Variants in POT1 observed in about 807,000 individuals in gnomAD.
POT1 encodes protection of telomeres protein 1.
In POT1, 47 loss-of-function variants were observed where a neutral mutation model predicts 78.5. The observed-to-expected ratio is 0.60, with a 90% CI of 0.47 to 0.76. The LOEUF is 0.76. POT1 is among the 30% of genes least tolerant of loss of function. The pLI, the probability that POT1 is intolerant of heterozygous loss-of-function variation, is 0.00. For missense variants in POT1, 646 were observed against 749.9 expected (o/e 0.86, Z 1.62); for synonymous variants, 259 against 260.7 (o/e 0.99, Z 0.06).
chr7:124,824,564 G>C (rs1794584767), intron 18 of POT1, among the ~76,000 whole-genome samples: 1 of 152,080 alleles, frequency 6.6e-6, no homozygotes, highest in African/African-American at 2.4e-5. Context: ...TGACCAGGGA[G>C]AGTAAAGCCT....
chr7:124,879,347 A>T (rs569417621), intron 6 of POT1, among the ~76,000 whole-genome samples: 3 of 152,298 alleles, frequency 2.0e-5, no homozygotes, highest in Admixed American at 2.0e-4. Context: ...AGCAGAAATC[A>T]GTGACCTTAA....
chr7:124,904,028 C>G (rs543580435), intron 3 of POT1, among the ~76,000 whole-genome samples: 3 of 152,218 alleles, frequency 2.0e-5, no homozygotes, highest in African/African-American at 7.2e-5. Flanking sequence ...TAATTAATAG[C>G]CTAACAACCA....
chr7:124,846,849 C>A, intron 12 of POT1, 93 bp downstream of exon 12: 1 of 881,714 alleles, frequency 1.1e-6, no homozygotes, highest in South Asian at 1.6e-5. Context: ...ATGTGTTCTA[C>A]TATTAGAAAG....
intron 3 of POT1, among the ~76,000 whole-genome samples, chr7:124,904,295 G>A (rs1031704970): frequency 8.0e-5 from 12 of 149,900 alleles, no homozygotes; most frequent in African/African-American, 2.9e-4. Flanking sequence ...AAATCCAGCA[G>A]CAGAATCAAG....
chr7:124,923,853 C>T (rs891282497), intron 2 of POT1, among the ~76,000 whole-genome samples: 2 of 151,256 alleles, frequency 1.3e-5, no homozygotes, highest in Non-Finnish European at 3.0e-5. Context: ...AGAAATCTTA[C>T]AGGCCAGAAG....
At chr7:124,832,821 C>CAA (rs36025106) in intron 15 of POT1, among the ~76,000 whole-genome samples, 18 of 114,160 alleles carry the variant, frequency 1.6e-4, no homozygotes, top group African/African-American at 4.5e-4. Flanking sequence ...GACTTCATCT[C>CAA]AAAAAAAAAA....
At chr7:124,876,348 G>T (rs2116583236) in intron 6 of POT1, among the ~76,000 whole-genome samples, 1 of 150,232 alleles carries the variant, frequency 6.7e-6, no homozygotes, top group South Asian at 2.1e-4. Context: ...TAAAAGGTCT[G>T]GACTCATATA....
intron 9 of POT1, among the ~76,000 whole-genome samples, chr7:124,857,352 T>A (rs752855744): frequency 6.6e-6 from 1 of 152,230 alleles, no homozygotes; most frequent in South Asian, 2.1e-4. Flanking sequence ...AGGGAAATTC[T>A]ACGCAGAAGA....
chr7:124,863,899 T>G, intron 7 of POT1, among the ~76,000 whole-genome samples: 1 of 152,164 alleles, frequency 6.6e-6, no homozygotes, highest in East Asian at 1.9e-4. Flanking sequence ...AGCTAGGTGG[T>G]AGTCTCCCTA....
At chr7:124,825,144 A>T (rs1354382082) in intron 18 of POT1, 108 bp downstream of exon 18, 1 of 602,370 alleles carries the variant, frequency 1.7e-6, no homozygotes, top group Non-Finnish European at 2.8e-6. Context: ...TACTTAGTAA[A>T]TCATTTGGAA....
chr7:124,827,193 T>G, intron 17 of POT1, 21 bp downstream of exon 17: 1 of 1,321,750 alleles, frequency 7.6e-7, no homozygotes, highest in Non-Finnish European at 1.0e-6. Context: ...TAAAAATATC[T>G]TTATTACCTC....
intron 3 of POT1, among the ~76,000 whole-genome samples, chr7:124,901,476 G>A (rs1409259861): frequency 6.6e-6 from 1 of 152,138 alleles, no homozygotes; most frequent in Non-Finnish European, 1.5e-5. Flanking sequence ...GAAAGGAATA[G>A]CATCAACATC....
chr7:124,827,496 G>C (rs535497703), intron 16 of POT1, among the ~76,000 whole-genome samples, 191 bp from the exon 17 acceptor site: 1 of 152,184 alleles, frequency 6.6e-6, no homozygotes, highest in Non-Finnish European at 1.5e-5. Flanking sequence ...CCCAGCTGGC[G>C]TCTGCTGAGG....
At position 124,899,463 on chromosome 7, in the gene POT1, T is replaced by A. The variant is rs571987695; in HGVS notation, c.-153-1089A>T. 1.6e-4 allele frequency among the ~76,000 whole-genome samples: 25 copies of A among 152,236 alleles called. No homozygotes were observed. The South Asian group carries it at 4.6e-3, about 28-fold the overall frequency. On this transcript the variant is annotated intron_variant, in intron 3 of 18. Transcript: ENST00000357628. ...TAGTTCAATGGGAGAAAATTTTTCT[T>A]CTTACTGAAGATTTTATATTTCTCC...
At chr7:124,854,843 G>A (rs1040671175) in intron 9 of POT1, among the ~76,000 whole-genome samples, 1 of 151,658 alleles carries the variant, frequency 6.6e-6, no homozygotes, top group Non-Finnish European at 1.5e-5. Flanking sequence ...ATTATTTTGT[G>A]ATTCTTTTAA....
chr7:124,913,519 C>G (rs1796941420), intron 3 of POT1, among the ~76,000 whole-genome samples: 2 of 152,012 alleles, frequency 1.3e-5, no homozygotes, highest in Non-Finnish European at 2.9e-5. Flanking sequence ...ATTGCTCATC[C>G]CTTTTGTAAC....
chr7:124,841,274 A>T, intron 13 of POT1, 96 bp from the exon 14 acceptor site: 1 of 903,738 alleles, frequency 1.1e-6, no homozygotes, highest in South Asian at 1.6e-5. Context: ...TATCATTCTT[A>T]CATGTAGATG....
intron 5 of POT1, chr7:124,892,922 G>C (rs138468916): frequency 2.6e-5 from 4 of 151,390 alleles, no homozygotes; most frequent in Non-Finnish European, 4.4e-5. Context: ...TCTAAGAAAA[G>C]AGAGTTTTAT....
chr7:124,884,277 C>G (rs1339096737), intron 6 of POT1, among the ~76,000 whole-genome samples: 2 of 151,980 alleles, frequency 1.3e-5, no homozygotes, highest in Admixed American at 6.6e-5. Flanking sequence ...AGCATCCTAT[C>G]CCAAAATCTA....
Sources: gnomAD v4.1 joint callset for allele counts (sites outside exome capture counted in the v4.1 genomes callset) on GRCh38, gnomAD v4.1.1 for gene constraint, MANE v1.5 for transcripts, NCBI Gene and HGNC (gene_info 2026-07-23, HGNC 2026-07-21) for gene names.